Variants in MAP4K4 observed in about 807,000 individuals in gnomAD.
The protein encoded by MAP4K4 is HPK/GCK-like kinase HGK.
MAP4K4 carries 38 observed loss-of-function variants against 189.6 expected under a neutral mutation model. The observed-to-expected ratio is 0.20, with a 90% CI of 0.15 to 0.26. The LOEUF (loss-of-function observed/expected upper bound fraction) is 0.26, where lower values mean the gene tolerates loss of function less well. MAP4K4 is among the 10% of genes least tolerant of loss of function. The pLI is 1.00. For missense variants in MAP4K4, 1,054 were observed against 1,726.9 expected, an observed-to-expected ratio of 0.61 and a Z score of 6.91; for synonymous variants, 610 against 624.3, an observed-to-expected ratio of 0.98 and a Z score of 0.34.
At chr2:101,748,018 T>C (rs573130939) in intron 2 of MAP4K4, among the ~76,000 whole-genome samples, 131 of 152,364 alleles carry the variant, frequency 8.6e-4, no homozygotes, top group African/African-American at 3.0e-3. Context: ...TTTTAATGTC[T>C]GTAGCACATT....
intron 20 of MAP4K4, chr2:101,867,661 T>C: frequency 2.8e-6 from 1 of 353,580 alleles, no homozygotes; most frequent in South Asian, 6.6e-5. Flanking sequence ...AAGAAAAGCC[T>C]TTTTATCTCT....
exon 33 of MAP4K4, chr2:101,892,915 G>A (rs187454951): frequency 6.6e-6 from 3 of 456,350 alleles, no homozygotes; most frequent in Admixed American, 4.7e-5. Flanking sequence ...TCCTCTTGTC[G>A]AGTTCTGAGT....
rs560460416 is a variant in MAP4K4 at position 101,733,998 on chromosome 2, C to A, written c.123+35460C>A. ...TAGGGACCTATCACACTATGTGGCACCTGTGTATGTTTCATAAATTCGACC... is the reference window on the plus strand; with the variant it reads ...TAGGGACCTATCACACTATGTGGCAACTGTGTATGTTTCATAAATTCGACC... On this transcript the variant is annotated intron_variant, in intron 2 of 32. Coordinates refer to ENST00000324219, the Ensembl canonical transcript of MAP4K4. Among the ~76,000 whole-genome samples the A allele has an allele frequency of 1.2e-4, 18 of 152,280 alleles. No homozygotes were observed. In the South Asian group the frequency reaches 3.7e-3, roughly 32 times the overall value.
intron 2 of MAP4K4, among the ~76,000 whole-genome samples, chr2:101,702,830 C>T (rs1361031176): frequency 6.6e-6 from 1 of 152,128 alleles, no homozygotes; most frequent in Non-Finnish European, 1.5e-5. Flanking sequence ...GGCCCAAAGA[C>T]CTTGATGGTA....
At chr2:101,807,590 T>TA (rs2095075027) in intron 3 of MAP4K4, among the ~76,000 whole-genome samples, 1 of 152,186 alleles carries the variant, frequency 6.6e-6, no homozygotes, top group African/African-American at 2.4e-5. Context: ...TATAAAGAAA[T>TA]ACCTGAGACT....
rs1157233234 is a variant in MAP4K4 at position 101,797,894 on chromosome 2, T to G, written c.180+7118T>G. On this transcript the variant is annotated intron_variant, in intron 3 of 32. Transcript: ENST00000324219. ...CTTTTTAAAACATTCTTTTAGTTTT[T>G]TTTTTTTTTTTTTTTTGGAGACCAA... 5.4e-4 allele frequency among the ~76,000 whole-genome samples: 66 copies of G among 122,524 alleles called. 6 individuals are homozygous for G. Among genetic ancestry groups the G allele is most frequent in the Middle Eastern group, 3.9e-3 (1 of 256 alleles). The allele number at this position is 122,524 out of a possible 152,430, so 80.4% of individuals were successfully genotyped here.
In MAP4K4 at chr2:101,749,085, C is replaced by T. The variant is rs1466397061; in HGVS notation, c.124-41635C>T. Among the ~76,000 whole-genome samples the T allele has an allele frequency of 5.4e-5, 8 of 148,178 alleles. No homozygotes were observed. The East Asian group carries it at 9.8e-4, about 18-fold the overall frequency. On this transcript the variant is annotated intron_variant, in intron 2 of 32. Coordinates refer to ENST00000324219, the Ensembl canonical transcript of MAP4K4. ...ATATCATGAAAATGGCCATACTGCCCAAGGTAATTTACAGATTCAATGCCA... is the reference window on the plus strand; with the variant it reads ...ATATCATGAAAATGGCCATACTGCCTAAGGTAATTTACAGATTCAATGCCA...
At chr2:101,797,097 C>A in intron 3 of MAP4K4, 2 of 564,976 alleles carry the variant, frequency 3.5e-6, no homozygotes, top group Non-Finnish European at 5.3e-6. Flanking sequence ...AACACAAGGC[C>A]ATATAACACT....
At chr2:101,798,523 C>G (rs747135376) in intron 3 of MAP4K4, among the ~76,000 whole-genome samples, 1 of 152,096 alleles carries the variant, frequency 6.6e-6, no homozygotes, top group Non-Finnish European at 1.5e-5. Context: ...TTATGGATGA[C>G]GACAGTTGGA....
At chr2:101,754,568 G>A (rs1341316877) in intron 2 of MAP4K4, among the ~76,000 whole-genome samples, 2 of 152,062 alleles carry the variant, frequency 1.3e-5, no homozygotes, top group Non-Finnish European at 2.9e-5. Context: ...TGGCCAGGCT[G>A]GTCTTGAACT....
intron 1 of MAP4K4, 139 bp from the exon 2 acceptor site, chr2:101,698,334 C>G: frequency 1.2e-6 from 1 of 847,028 alleles, no homozygotes; most frequent in Admixed American, 2.4e-5. Flanking sequence ...GCCCGCCGCG[C>G]GACCCCCGGG....
chr2:101,837,507 C>T (rs1233199946), intron 9 of MAP4K4, among the ~76,000 whole-genome samples: 3 of 152,038 alleles, frequency 2.0e-5, no homozygotes, highest in African/African-American at 7.3e-5. Flanking sequence ...GTTTTTATTG[C>T]CACAGAGTTG....
At chr2:101,716,365 C>T (rs1293778398) in intron 2 of MAP4K4, among the ~76,000 whole-genome samples, 1 of 152,074 alleles carries the variant, frequency 6.6e-6, no homozygotes, top group Non-Finnish European at 1.5e-5. Flanking sequence ...ATGGCGTGAA[C>T]CTGGGAGGCA....
intron 2 of MAP4K4, among the ~76,000 whole-genome samples, chr2:101,765,413 A>G (rs1381180501): frequency 1.3e-5 from 2 of 152,128 alleles, no homozygotes; most frequent in Non-Finnish European, 2.9e-5. Context: ...CTCTGCAGCC[A>G]CCATCTCCCG....
chr2:101,881,873 T>C (rs1479505395), intron 27 of MAP4K4, among the ~76,000 whole-genome samples: 1 of 152,212 alleles, frequency 6.6e-6, no homozygotes, highest in Non-Finnish European at 1.5e-5. Flanking sequence ...TGTAGTCTCT[T>C]TGTTCCTTTA....
intron 3 of MAP4K4, among the ~76,000 whole-genome samples, chr2:101,816,061 C>A (rs552606247): frequency 2.0e-5 from 3 of 152,142 alleles, no homozygotes; most frequent in African/African-American, 4.8e-5. Flanking sequence ...CTCAGAGACT[C>A]CTCTGGGCGC....
At chr2:101,822,884 T>G (rs2096153024) in intron 3 of MAP4K4, among the ~76,000 whole-genome samples, 2 of 152,218 alleles carry the variant, frequency 1.3e-5, no homozygotes, top group Non-Finnish European at 2.9e-5. Context: ...AGAGATCTGG[T>G]CATCAGATTT....
chr2:101,753,950 G>T (rs1400121431), intron 2 of MAP4K4, among the ~76,000 whole-genome samples: 1 of 152,174 alleles, frequency 6.6e-6, no homozygotes, highest in Non-Finnish European at 1.5e-5. Context: ...AGGGTGGACA[G>T]CTAGCGCCTG....
At chr2:101,811,094 T>C (rs72989344) in intron 3 of MAP4K4, among the ~76,000 whole-genome samples, 133 of 151,934 alleles carry the variant, frequency 8.8e-4, no homozygotes, top group African/African-American at 3.0e-3. Flanking sequence ...GAAAGTAGGG[T>C]CGGGCGAGGT....
Sources: allele counts gnomAD v4.1 joint callset (sites outside exome capture counted in the v4.1 genomes callset), GRCh38; gene constraint gnomAD v4.1.1; transcripts MANE v1.5; gene names NCBI Gene and HGNC (gene_info 2026-07-23, HGNC 2026-07-21).